The following SVIL variants were observed in gnomAD, a reference collection of about 807,000 sequenced individuals.
SVIL encodes the protein archvillin.
SVIL carries 101 observed loss-of-function variants against 240.4 expected under a neutral mutation model. The observed-to-expected ratio is 0.42, with a 90% CI of 0.36 to 0.50. The LOEUF is 0.50. Among genes scored for constraint, SVIL ranks in the 20% least tolerant of loss-of-function variants. SVIL has a pLI of 0.01. For missense variants in SVIL, 2,512 were observed against 2,818.7 expected, an observed-to-expected ratio of 0.89 and a Z score of 2.46; for synonymous variants, 999 against 1,100.0, an observed-to-expected ratio of 0.91 and a Z score of 1.82.
At chr10:29,695,845 C>T (rs1170002882) in intron 1 of SVIL, among the ~76,000 whole-genome samples, 1 of 68,716 alleles carries the variant, frequency 1.5e-5, no homozygotes, top group Non-Finnish European at 2.8e-5. Context: ...TCCCGTCTCC[C>T]TCTCCCTCTC....
At chr10:29,616,495 A>G (rs1752793) in intron 1 of SVIL, among the ~76,000 whole-genome samples, 12,119 of 152,296 alleles carry the variant, frequency 0.08, 695 homozygotes, top group Admixed American at 0.13. Context: ...CTGAAAACAC[A>G]GTAATCTGAT....
chr10:29,682,158 C>A (rs535900091), intron 2 of SVIL, among the ~76,000 whole-genome samples: 1 of 152,166 alleles, frequency 6.6e-6, no homozygotes, highest in African/African-American at 2.4e-5. Context: ...GAATCTTCTA[C>A]GCCTTAAGCA....
In SVIL at chr10:29,550,837, G is replaced by A. The variant is rs757759923; in HGVS notation, c.587C>T (p.Pro196Leu). ...GTTTTCTATGTTCAGCAGCACCTCC[G>A]GGTCGGAAGAGCCGTCACCCACATG... ...ALHVGDGSSD[P>L]EVLLNIENQR... Residue 196 changes from proline to leucine, a missense_variant, in exon 6 of 38, where the codon CCG becomes CTG. Physicochemically the swap from Pro to Leu is moderately conservative, Grantham distance 98 (BLOSUM62 -3). Transcript: ENST00000355867. 1.2e-6 allele frequency: 2 copies of A among 1,614,102 alleles called. No homozygotes were observed. The highest frequency in any genetic ancestry group is 1.7e-5 in the Admixed American group (1 of 60,016).
chr10:29,619,361 C>A (rs1173239145), intron 1 of SVIL, among the ~76,000 whole-genome samples: 3 of 152,138 alleles, frequency 2.0e-5, no homozygotes, highest in African/African-American at 7.2e-5. Context: ...ACTCTTCTGC[C>A]AAAATGATTT....
rs906643027 is a variant in SVIL, at chr10:29,683,125, C to T, written c.-301+3428G>A. ...CTTCAATCAGTACTTGTAAGATGTACAATGGTTTGGTCCAGAAAAGTGGGA... is the reference window on the plus strand; with the variant it reads ...CTTCAATCAGTACTTGTAAGATGTATAATGGTTTGGTCCAGAAAAGTGGGA... On this transcript the variant is annotated intron_variant, in intron 2 of 35. Coordinates refer to the SVIL transcript ENST00000375400. Among the ~76,000 whole-genome samples the T allele has an allele frequency of 2.6e-5, 4 of 152,098 alleles. No homozygotes were observed. The East Asian group carries it at 5.8e-4, about 22-fold the overall frequency.
intron 23 of SVIL, 129 bp downstream of exon 23, chr10:29,488,472 C>CA (rs1456290222): frequency 8.9e-7 from 1 of 1,129,148 alleles, no homozygotes; most frequent in African/African-American, 1.6e-5. Flanking sequence ...GCAAGGAACA[C>CA]ACAATAAGTT....
intron 1 of SVIL, among the ~76,000 whole-genome samples, chr10:29,587,926 A>G (rs1006804730): frequency 7.2e-5 from 11 of 152,148 alleles, no homozygotes; most frequent in African/African-American, 2.4e-4. Context: ...GATTACAAAT[A>G]TTCATTATTT....
intron 21 of SVIL, among the ~76,000 whole-genome samples, chr10:29,492,550 C>T (rs10826648): frequency 0.34 from 51,924 of 152,010 alleles, 10,161 homozygotes; most frequent in East Asian, 0.64. Flanking sequence ...CACTGTTCAG[C>T]CAGTGAGCCG....
intron 1 of SVIL, among the ~76,000 whole-genome samples, chr10:29,582,402 C>T (rs925609470): frequency 3.3e-5 from 5 of 152,068 alleles, no homozygotes; most frequent in Non-Finnish European, 5.9e-5. Flanking sequence ...AAAGCCCCAA[C>T]CCACAAAGGG....
At chr10:29,595,202 T>G (rs1956537658) in intron 1 of SVIL, among the ~76,000 whole-genome samples, 1 of 152,004 alleles carries the variant, frequency 6.6e-6, no homozygotes, top group African/African-American at 2.4e-5. Flanking sequence ...AGCTGGGAAA[T>G]GACTGTGATT....
chr10:29,570,579 G>A (rs1255508632), intron 1 of SVIL, among the ~76,000 whole-genome samples: 3 of 152,208 alleles, frequency 2.0e-5, no homozygotes, highest in Non-Finnish European at 4.4e-5. Context: ...CACATGAAGA[G>A]TTAATAAAAA....
At chr10:29,694,902 T>C (rs1392896579) in intron 1 of SVIL, among the ~76,000 whole-genome samples, 1 of 152,178 alleles carries the variant, frequency 6.6e-6, no homozygotes, top group African/African-American at 2.4e-5. Context: ...AAGGAAACTG[T>C]GAATTCCTAA....
chr10:29,469,710 G>A (rs1336397156), intron 32 of SVIL, among the ~76,000 whole-genome samples: 2 of 152,206 alleles, frequency 1.3e-5, no homozygotes, highest in African/African-American at 4.8e-5. Flanking sequence ...GTCTTTGCAA[G>A]TGGCCAACGG....
intron 2 of SVIL, among the ~76,000 whole-genome samples, chr10:29,567,409 G>A (rs1234304470): frequency 1.3e-5 from 2 of 152,202 alleles, no homozygotes; most frequent in African/African-American, 2.4e-5. Flanking sequence ...GAAGCCCCAT[G>A]AGCTCATATT....
At chr10:29,545,533 G>A (rs1952580002) in intron 6 of SVIL, among the ~76,000 whole-genome samples, 1 of 152,080 alleles carries the variant, frequency 6.6e-6, no homozygotes, top group South Asian at 2.1e-4. Flanking sequence ...TAATAAACGA[G>A]GGTTTTCTAG....
intron 16 of SVIL, among the ~76,000 whole-genome samples, chr10:29,521,391 G>A (rs1045439047): frequency 2.6e-5 from 4 of 152,150 alleles, no homozygotes; most frequent in African/African-American, 4.8e-5. Context: ...GGTGGAGGTT[G>A]GCAGAACTGT....
Position 29,481,537 on chromosome 10 carries a change from G to T in SVIL, c.5100+47C>A, listed in dbSNP as rs746129921. 1.7e-5 allele frequency: 27 copies of T among 1,607,462 alleles called. No individual in the cohort carries two copies. In the East Asian group the frequency reaches 6.0e-4, roughly 36 times the overall value. The stretch of plus-strand genomic sequence containing the variant: ...ATTTTACATGAAGGCCACTTTTATT[G>T]GGACCCGAACCAAGCCCCGAGTTTT... On this transcript the variant is annotated intron_variant, in intron 28 of 37. Transcript: ENST00000355867.
intron 1 of SVIL, among the ~76,000 whole-genome samples, chr10:29,690,168 T>C (rs1961394849): frequency 6.6e-6 from 1 of 152,182 alleles, no homozygotes; most frequent in Non-Finnish European, 1.5e-5. Context: ...ATCGCCTCAT[T>C]TTATACAAAA....
intron 37 of SVIL, 21 bp from the exon 38 acceptor site, chr10:29,458,354 G>A (rs769232616): frequency 1.1e-5 from 17 of 1,613,422 alleles, no homozygotes; most frequent in African/African-American, 2.7e-5. Flanking sequence ...TGGGAGAAGC[G>A]CCCCGCGGCT....
Sources: gnomAD v4.1 joint callset for allele counts (sites outside exome capture counted in the v4.1 genomes callset) on GRCh38, gnomAD v4.1.1 for gene constraint, MANE v1.5 for transcripts, NCBI Gene and HGNC (gene_info 2026-07-23, HGNC 2026-07-21) for gene names.